Variants in DNMBP observed in about 807,000 individuals in gnomAD.
DNMBP encodes the protein dynamin binding protein, also known as dynamin-binding protein.
DNMBP carries 87 observed loss-of-function variants against 150.0 expected under a neutral mutation model. The ratio of observed to expected loss-of-function variants is 0.58; its 90% CI spans 0.49 to 0.69. The LOEUF (loss-of-function observed/expected upper bound fraction) is 0.69, where lower values mean the gene tolerates loss of function less well. DNMBP is among the 30% of genes least tolerant of loss of function. The probability of loss-of-function intolerance (pLI) is 0.00; values close to 1 mark genes in which losing one functional copy is unlikely to be tolerated. For synonymous variants in DNMBP, 711 were observed against 750.4 expected (o/e 0.95, Z 0.86); for missense variants, 1,774 against 1,949.0 (o/e 0.91, Z 1.69).
chr10:99,948,884 A>T (rs2040388304), intron 4 of DNMBP, among the ~76,000 whole-genome samples: 1 of 151,764 alleles, frequency 6.6e-6, no homozygotes, highest in Non-Finnish European at 1.5e-5. Flanking sequence ...AATCACTTGA[A>T]CCCGGGAGGC....
rs749330402 is a variant in DNMBP, at chr10:99,955,806, C to T, written c.1668G>A (p.Leu556=). ...CTGCCAAGCTCTTCTCAAACTCGAT[C>T]AGCTGTTGTGTCAGCTTCGAGTCCA... ...TDLDSKLTQQ[L]IEFEKSLAGP... Residue 556 remains leucine (L), a synonymous_variant, in exon 4 of 17, where the codon CTG becomes CTA. Transcript: ENST00000324109. The T allele has an allele frequency of 2.5e-6, 4 of 1,614,246 alleles. No homozygotes were observed. Among genetic ancestry groups the T allele is most frequent in the Middle Eastern group, 1.6e-4 (1 of 6,062 alleles).
At chr10:99,990,331 T>C (rs780411212) in intron 1 of DNMBP, among the ~76,000 whole-genome samples, 8 of 152,032 alleles carry the variant, frequency 5.3e-5, no homozygotes, top group Admixed American at 4.6e-4. Flanking sequence ...GGTGGGCAGA[T>C]GGCTTGAGCT....
chr10:99,962,563 G>A (rs1324364415), intron 3 of DNMBP, among the ~76,000 whole-genome samples: 10 of 152,146 alleles, frequency 6.6e-5, no homozygotes, highest in Admixed American at 2.6e-4. Flanking sequence ...CCTGGGAGGC[G>A]GAGCTTGCAG....
At chr10:99,949,503 ATACACCT>A (rs2040396170) in intron 4 of DNMBP, among the ~76,000 whole-genome samples, 1 of 152,184 alleles carries the variant, frequency 6.6e-6, no homozygotes, top group Non-Finnish European at 1.5e-5. Flanking sequence ...ATATTGTTGG[ATACACCT>A]TTTATGAAGA....
At chr10:99,888,740 G>C (rs1249634533) in intron 12 of DNMBP, 85 bp downstream of exon 12, 2 of 1,525,112 alleles carry the variant, frequency 1.3e-6, no homozygotes, top group Non-Finnish European at 1.8e-6. Context: ...CCCAGGGCCT[G>C]TGTCCGTGGA....
chr10:99,908,292 T>C (rs2039851814), intron 5 of DNMBP, among the ~76,000 whole-genome samples, 198 bp from the exon 6 acceptor site: 1 of 152,224 alleles, frequency 6.6e-6, no homozygotes, highest in East Asian at 1.9e-4. Flanking sequence ...AACTATTCTC[T>C]GCCACCCCAA....
intron 11 of DNMBP, among the ~76,000 whole-genome samples, chr10:99,893,443 C>T (rs1276295338): frequency 6.6e-6 from 1 of 152,202 alleles, no homozygotes; most frequent in Non-Finnish European, 1.5e-5. Flanking sequence ...TTGTAAAGAA[C>T]AATGGACCAA....
intron 1 of DNMBP, among the ~76,000 whole-genome samples, chr10:99,991,782 T>C (rs545734748): frequency 6.6e-6 from 1 of 151,570 alleles, no homozygotes; most frequent in African/African-American, 2.4e-5. Flanking sequence ...GGCAGGCGCC[T>C]GTAGTCCCAG....
At chr10:99,903,923 T>TA (rs2039783633) in intron 6 of DNMBP, among the ~76,000 whole-genome samples, 1 of 131,014 alleles carries the variant, frequency 7.6e-6, no homozygotes, top group Non-Finnish European at 1.5e-5. Flanking sequence ...TAGAATGGAT[T>TA]TTTTTTTTTT....
chr10:99,887,211 C>T (rs1054537240), intron 12 of DNMBP, among the ~76,000 whole-genome samples: 27 of 152,072 alleles, frequency 1.8e-4, no homozygotes, highest in Admixed American at 7.2e-4. Context: ...AGTCAGCCAC[C>T]GCACACAGCC....
intron 6 of DNMBP, among the ~76,000 whole-genome samples, chr10:99,902,619 T>TAAAA (rs559947538): frequency 1.0e-4 from 13 of 125,172 alleles, no homozygotes; most frequent in African/African-American, 1.5e-4. Flanking sequence ...TGCCTCCCTT[T>TAAAA]AAAAAAAAAA....
At position 99,876,859 on chromosome 10, in the gene DNMBP, A is replaced by G. The variant is rs1051576935; in HGVS notation, c.*292T>C. 2.1e-4 allele frequency: 64 copies of G among 302,842 alleles called. 1 individual carries two copies. Among genetic ancestry groups the G allele is most frequent in the African/African-American group, 1.3e-3 (60 of 45,992 alleles). 18.8% of individuals were successfully genotyped at this position (302,842 alleles called of 1,614,324 possible). ...GCATACATAGGACACTGGGCTTCTG[A>G]CTGCAAGTTTCTCCTTTCCAAAAGC... On this transcript the variant is annotated 3_prime_UTR_variant, in exon 17 of 17. Coordinates refer to ENST00000324109, the MANE Select transcript of DNMBP (RefSeq NM_015221.4).
At chr10:99,903,699 C>T (rs986171870) in intron 6 of DNMBP, among the ~76,000 whole-genome samples, 3 of 152,156 alleles carry the variant, frequency 2.0e-5, no homozygotes, top group Non-Finnish European at 2.9e-5. Context: ...CTACATTAGT[C>T]TGCCACCTTC....
chr10:100,008,949 C>A (rs2133399382), intron 1 of DNMBP, among the ~76,000 whole-genome samples: 1 of 152,308 alleles, frequency 6.6e-6, no homozygotes, highest in Non-Finnish European at 1.5e-5. Flanking sequence ...ATTAGCGTTA[C>A]CACTCGCCTG....
intron 4 of DNMBP, among the ~76,000 whole-genome samples, chr10:99,946,697 A>G (rs2040361054): frequency 6.6e-6 from 1 of 152,200 alleles, no homozygotes; most frequent in Non-Finnish European, 1.5e-5. Flanking sequence ...ACATTGGCTT[A>G]GGCAACCTGC....
At chr10:99,935,095 A>G (rs1169523699) in intron 4 of DNMBP, among the ~76,000 whole-genome samples, 2 of 149,330 alleles carry the variant, frequency 1.3e-5, no homozygotes, top group African/African-American at 5.0e-5. Context: ...CACAAAAAAA[A>G]AAAAAAAAAA....
rs773116661 is a variant in DNMBP at position 99,908,006 on chromosome 10, C to T, written c.2543G>A (p.Ser848Asn). The T allele has an allele frequency of 1.9e-6, 3 of 1,613,838 alleles. No homozygotes were observed. Among genetic ancestry groups the T allele is most frequent in the African/African-American group, 1.3e-5 (1 of 75,040 alleles). ...SKQLLAALEI[S>N]DAVGPVFLGH... ...ACAGGAGCTCATACCTACAGCATCG[C>T]TGATTTCCAGAGCAGCCAATAATTG... The change falls in exon 6 of 17, where the codon AGC becomes AAC. Residue 848 changes from serine (S) to asparagine (N), a missense_variant. Transcript: ENST00000324109.
chr10:99,934,780 C>T (rs1428317979), intron 4 of DNMBP, among the ~76,000 whole-genome samples: 1 of 126,052 alleles, frequency 7.9e-6, no homozygotes. Context: ...GGGAATTGGA[C>T]CAGGGTCGTA....
At chr10:99,992,840 T>C (rs1052448750) in intron 1 of DNMBP, among the ~76,000 whole-genome samples, 12 of 152,198 alleles carry the variant, frequency 7.9e-5, no homozygotes, top group Admixed American at 7.9e-4. Context: ...CTAGGAGTTT[T>C]AAGACCAGAC....
Sources: allele counts gnomAD v4.1 joint callset (sites outside exome capture counted in the v4.1 genomes callset), GRCh38; gene constraint gnomAD v4.1.1; transcripts MANE v1.5; gene names NCBI Gene and HGNC (gene_info 2026-07-23, HGNC 2026-07-21).